Variants in TMEM30A observed in about 807,000 individuals in gnomAD.
TMEM30A encodes the protein cell cycle control protein 50A.
Under a neutral mutation model 38.2 loss-of-function variants are expected in TMEM30A, and 24 were observed. That is an observed-to-expected ratio of 0.63 (90% CI 0.46 to 0.88). The LOEUF (loss-of-function observed/expected upper bound fraction) is 0.88. Ranked by LOEUF, TMEM30A falls within the 40% of genes least tolerant of loss-of-function variation. The pLI is 0.00. For missense variants in TMEM30A, 370 were observed against 458.6 expected (o/e 0.81, Z 1.77); for synonymous variants, 145 against 161.6 (o/e 0.90, Z 0.78).
At chr6:75,264,819 A>G (rs951981263) in intron 3 of TMEM30A, among the ~76,000 whole-genome samples, 1 of 151,286 alleles carries the variant, frequency 6.6e-6, no homozygotes, top group African/African-American at 2.4e-5. Context: ...CTCATGATAC[A>G]GGCCAGGCAT....
At chr6:75,278,886 TC>T (rs1005497571) in intron 1 of TMEM30A, among the ~76,000 whole-genome samples, 1 of 152,138 alleles carries the variant, frequency 6.6e-6, no homozygotes, top group Non-Finnish European at 1.5e-5. Flanking sequence ...TTGGAATGCA[TC>T]CAAACCTCCC....
intron 1 of TMEM30A, among the ~76,000 whole-genome samples, chr6:75,278,125 G>A (rs541677674): frequency 1.2e-4 from 18 of 152,058 alleles, no homozygotes; most frequent in Admixed American, 5.2e-4. Flanking sequence ...GTTTCACTAT[G>A]AAATCAAGTT....
chr6:75,279,981 A>C (rs1272714747), intron 1 of TMEM30A, among the ~76,000 whole-genome samples: 8 of 152,164 alleles, frequency 5.3e-5, no homozygotes, highest in Non-Finnish European at 1.0e-4. Flanking sequence ...CTCCCCCTTG[A>C]ACTGATTATT....
At chr6:75,259,531 A>G in intron 4 of TMEM30A, 41 bp from the exon 5 acceptor site, 1 of 1,537,802 alleles carries the variant, frequency 6.5e-7, no homozygotes, top group South Asian at 1.3e-5. Flanking sequence ...CTATCTCTTG[A>G]AAACTCATAG....
Position 75,258,785 on chromosome 6 carries a change from G to A in TMEM30A, c.887C>T (p.Thr296Ile). The A allele has an allele frequency of 6.2e-7, 1 of 1,613,650 alleles. No individual in the cohort carries two copies. Among genetic ancestry groups the A allele is most frequent in the Non-Finnish European group, 8.5e-7 (1 of 1,179,676 alleles). Residue 296 changes from threonine to isoleucine, a missense_variant, in exon 6 of 7, where the codon ACA becomes ATA. Thr to Ile is a moderately conservative substitution (Grantham distance 89). Coordinates refer to ENST00000230461, the MANE Select transcript of TMEM30A (RefSeq NM_018247.4). ...ACCCAGCCAAAAAAGGATACTGTAT[G>A]TGACATTCAAAGAGTATCGGCCAGC... ...LPAGRYSLNVTYNYPVHYFDG... is the reference protein window; with the variant it reads ...LPAGRYSLNVIYNYPVHYFDG...
chr6:75,261,524 A>G (rs1357506054), intron 3 of TMEM30A, among the ~76,000 whole-genome samples: 1 of 152,240 alleles, frequency 6.6e-6, no homozygotes, highest in Non-Finnish European at 1.5e-5. Context: ...CCTGTGGTCC[A>G]GATTTTGGTT....
intron 1 of TMEM30A, among the ~76,000 whole-genome samples, chr6:75,280,767 A>G (rs1233818817): frequency 6.6e-6 from 1 of 152,150 alleles, no homozygotes; most frequent in Non-Finnish European, 1.5e-5. Context: ...GAATATTAAA[A>G]CCTTAAACTT....
Position 75,253,725 on chromosome 6 carries a change from C to T in TMEM30A, c.*2377G>A, listed in dbSNP as rs139474072. The T allele has an allele frequency of 1.5e-3, 224 of 152,716 alleles. No homozygotes were observed. The highest frequency in any genetic ancestry group is 5.2e-3 in the African/African-American group (217 of 41,576). The allele number at this position is 152,716 out of a possible 1,614,324, so 9.5% of individuals were successfully genotyped here. A position where few individuals can be genotyped will look rare whatever the true frequency, so the allele number is the denominator to read the frequency against. Reference sequence around the variant, plus strand: ...AAATAAACAAACGATATTCACTTGACTCTTCTCTTGGTTGAATGATTTTCT... The same window carrying T: ...AAATAAACAAACGATATTCACTTGATTCTTCTCTTGGTTGAATGATTTTCT... On this transcript the variant is annotated 3_prime_UTR_variant, in exon 7 of 7. Transcript: ENST00000230461.
At chr6:75,261,707 G>T (rs902433017) in intron 3 of TMEM30A, among the ~76,000 whole-genome samples, 2 of 152,094 alleles carry the variant, frequency 1.3e-5, no homozygotes, top group Non-Finnish European at 2.9e-5. Context: ...GAAATTAAGA[G>T]GACCCTAATT....
rs528863197 is a variant in TMEM30A, at chr6:75,253,762, G to A, written c.*2340C>T. On this transcript the variant is annotated 3_prime_UTR_variant, in exon 7 of 7. Transcript: ENST00000230461. ...TTGAATGATTTTCTATTAATTAGTAGTACACAGCTATTTTTATCAATTTAT... is the reference window on the plus strand; with the variant it reads ...TTGAATGATTTTCTATTAATTAGTAATACACAGCTATTTTTATCAATTTAT... 11 of 152,628 alleles carry A rather than the reference G, an allele frequency of 7.2e-5. No homozygotes were observed. Among genetic ancestry groups the A allele is most frequent in the Middle Eastern group, 3.4e-3 (1 of 294 alleles). The allele number at this position is 152,628 out of a possible 1,614,324, so 9.5% of individuals were successfully genotyped here. A position where few individuals can be genotyped will look rare whatever the true frequency, so the allele number is the denominator to read the frequency against.
chr6:75,284,101 C>A, intron 1 of TMEM30A: 1 of 424,392 alleles, frequency 2.4e-6, no homozygotes, highest in Non-Finnish European at 4.3e-6. Context: ...ACACAAACCG[C>A]CCACTGAAGA....
In TMEM30A at chr6:75,265,236, A is replaced by G. The variant is rs1772048305; in HGVS notation, c.448T>C (p.Leu150=). The change falls in exon 3 of 7, where the codon TTG becomes CTG. Residue 150 remains leucine (L), a synonymous_variant. Coordinates refer to ENST00000230461, the MANE Select transcript of TMEM30A (RefSeq NM_018247.4). ...ATATTTATCATTTTACTTACAAGCA[A>G]AGCACTAGAATCTCCATTTAGTTGA... ...DSQLNGDSSA[L]LNPSKECEPY... 1.9e-6 allele frequency: 3 copies of G among 1,579,030 alleles called. No individual in the cohort carries two copies. Among genetic ancestry groups the G allele is most frequent in the Non-Finnish European group, 1.7e-6 (2 of 1,157,420 alleles).
chr6:75,257,085 C>T (rs910158526), intron 6 of TMEM30A, among the ~76,000 whole-genome samples: 1 of 152,110 alleles, frequency 6.6e-6, no homozygotes, highest in East Asian at 1.9e-4. Flanking sequence ...ACAGATGGGT[C>T]CCTATGGGTC....
chr6:75,258,750 G>C, intron 6 of TMEM30A, 30 bp downstream of exon 6: 2 of 1,600,670 alleles, frequency 1.2e-6, no homozygotes, highest in Non-Finnish European at 1.7e-6. Flanking sequence ...CAAGCTCTAT[G>C]AATCTGTATA....
chr6:75,258,956 G>A lies in TMEM30A; in HGVS notation c.716C>T (p.Pro239Leu). 1 of 1,613,642 alleles carries A rather than the reference G, an allele frequency of 6.2e-7. No homozygotes were observed. Among genetic ancestry groups the A allele is most frequent in the Non-Finnish European group, 8.5e-7 (1 of 1,179,908 alleles). The change falls in exon 6 of 7, where the codon CCA (proline) becomes CTA (leucine). Residue 239 changes from proline to leucine, a missense_variant. Physicochemically the swap from Pro to Leu is moderately conservative, Grantham distance 98. Transcript: ENST00000230461. The part of the protein sequence containing the change: ...GTTKPVNWLK[P>L]VYMLDSDPDN... ...TGGGTCAGAATCCAGCATGTAAACT[G>A]GTTTAAGCCAGTTCACAGGCTTTGT... is the stretch of plus-strand genomic sequence containing the variant.
chr6:75,268,232 C>T (rs904267977), intron 1 of TMEM30A, among the ~76,000 whole-genome samples: 3 of 152,164 alleles, frequency 2.0e-5, no homozygotes, highest in Non-Finnish European at 4.4e-5. Context: ...GTCTTGGGTT[C>T]CCGGCAAGGA....
At chr6:75,273,973 G>A (rs1214730842) in intron 1 of TMEM30A, among the ~76,000 whole-genome samples, 1 of 152,112 alleles carries the variant, frequency 6.6e-6, no homozygotes, top group East Asian at 1.9e-4. Flanking sequence ...ATACAAAATG[G>A]AAAAATACAT....
At chr6:75,272,339 GC>G (rs1772187000) in intron 1 of TMEM30A, 1 of 149,490 alleles carries the variant, frequency 6.7e-6, no homozygotes, top group African/African-American at 2.6e-5. Context: ...ACTCAGGCAT[GC>G]CTGGACAAGC....
chr6:75,284,273 G>T, intron 1 of TMEM30A, 129 bp downstream of exon 1: 2 of 834,194 alleles, frequency 2.4e-6, no homozygotes, highest in Non-Finnish European at 2.0e-6. Flanking sequence ...GAAACAGAGG[G>T]AAGGGGGTGG....
Sources: gnomAD v4.1 joint callset for allele counts (sites outside exome capture counted in the v4.1 genomes callset) on GRCh38, gnomAD v4.1.1 for gene constraint, MANE v1.5 for transcripts, NCBI Gene and HGNC (gene_info 2026-07-23, HGNC 2026-07-21) for gene names.